AKR1C8: variants seen among roughly 807,000 people sequenced by gnomAD.
AKR1C8 encodes the protein aldo-keto reductase family 1 member C-like protein 1.
chr10:5,132,339 T>C, the AKR1C8 span, among the ~76,000 whole-genome samples: 6 of 152,252 alleles, frequency 3.9e-5, no homozygotes, highest in African/African-American at 1.4e-4. Context: ...AATTAAAAAA[T>C]GAGCGCATAA....
chr10:5,184,920 C>A, the AKR1C8 span: 3 of 440,968 alleles, frequency 6.8e-6, no homozygotes, highest in South Asian at 5.0e-5. Flanking sequence ...TTCCAAGCAT[C>A]CACTGTCTAC....
At chr10:5,128,208 G>A in the AKR1C8 span, among the ~76,000 whole-genome samples, 1 of 152,066 alleles carries the variant, frequency 6.6e-6, no homozygotes, top group South Asian at 2.1e-4. Context: ...GAGAAATACA[G>A]TCATTTTTAG....
chr10:5,118,897 A>G, the AKR1C8 span, among the ~76,000 whole-genome samples: 1 of 151,760 alleles, frequency 6.6e-6, no homozygotes, highest in East Asian at 1.9e-4. Context: ...GAAGAAAAAT[A>G]CTATCTCTAT....
At chr10:5,143,283 G>A in the AKR1C8 span, among the ~76,000 whole-genome samples, 2 of 152,124 alleles carry the variant, frequency 1.3e-5, no homozygotes, top group African/African-American at 4.8e-5. Context: ...GTGGACATCA[G>A]AACTCCAAGC....
At chr10:5,129,947 G>A in the AKR1C8 span, among the ~76,000 whole-genome samples, 2 of 151,544 alleles carry the variant, frequency 1.3e-5, no homozygotes, top group Non-Finnish European at 3.0e-5. Context: ...ATACCAAAAC[G>A]AGGAAAGGAC....
chr10:5,182,510 G>C, the AKR1C8 span, among the ~76,000 whole-genome samples: 1 of 152,118 alleles, frequency 6.6e-6, no homozygotes, highest in Admixed American at 6.5e-5. Context: ...AAATATTTGA[G>C]AGTACAAACC....
At chr10:5,142,394 T>C in the AKR1C8 span, among the ~76,000 whole-genome samples, 1 of 152,176 alleles carries the variant, frequency 6.6e-6, no homozygotes, top group African/African-American at 2.4e-5. Context: ...GAACTTTTCC[T>C]TTGTATTCAC....
chr10:5,150,205 C>T, the AKR1C8 span, among the ~76,000 whole-genome samples: 3 of 152,064 alleles, frequency 2.0e-5, no homozygotes, highest in East Asian at 5.8e-4. Context: ...ACCCGTTGGA[C>T]TCCTTTCTGC....
chr10:5,159,865 G>T, the AKR1C8 span: 4 of 504,758 alleles, frequency 7.9e-6, no homozygotes, highest in East Asian at 5.7e-5. Context: ...AGAAGGTCCC[G>T]GTGGGCTAAG....
the AKR1C8 span, chr10:5,161,953 C>T: frequency 1.1e-4 from 59 of 533,644 alleles, no homozygotes; most frequent in Admixed American, 3.3e-4. Context: ...CAATTCTGCC[C>T]GAAAGAAAGT....
chr10:5,116,805 GC>G, the AKR1C8 span, among the ~76,000 whole-genome samples: 6,631 of 152,218 alleles, frequency 0.044, 166 homozygotes, highest in Middle Eastern at 0.11. Context: ...CTTTTGGGTG[GC>G]CCCTGCGTAT....
chr10:5,138,498 C>T, the AKR1C8 span, among the ~76,000 whole-genome samples: 1 of 152,044 alleles, frequency 6.6e-6, no homozygotes, highest in African/African-American at 2.4e-5. Context: ...TCAAGGTGCA[C>T]TGATTTCATA....
the AKR1C8 span, chr10:5,132,501 A>T: frequency 5.2e-6 from 6 of 1,152,610 alleles, no homozygotes; most frequent in Non-Finnish European, 6.9e-6. Flanking sequence ...ATTGGAACCA[A>T]TAAGCACAAT....
the AKR1C8 span, among the ~76,000 whole-genome samples, chr10:5,164,804 A>T: frequency 6.6e-6 from 1 of 152,226 alleles, no homozygotes; most frequent in East Asian, 1.9e-4. Context: ...GCTACATCTC[A>T]GTGTTATCTG....
At chr10:5,142,964 A>G in the AKR1C8 span, among the ~76,000 whole-genome samples, 1 of 152,136 alleles carries the variant, frequency 6.6e-6, no homozygotes, top group South Asian at 2.1e-4. Flanking sequence ...AGTCATAACA[A>G]AATGAGGTGT....
At chr10:5,153,635 G>A in the AKR1C8 span, among the ~76,000 whole-genome samples, 8 of 152,108 alleles carry the variant, frequency 5.3e-5, no homozygotes, top group African/African-American at 1.4e-4. Flanking sequence ...GAGCAGACGC[G>A]TCTTCATGTG....
chr10:5,162,887 G>A, the AKR1C8 span: 1 of 534,508 alleles, frequency 1.9e-6, no homozygotes, highest in Non-Finnish European at 3.8e-6. Context: ...TCTCTTGACG[G>A]TACCATCAGC....
At chr10:5,177,347 T>A in the AKR1C8 span, among the ~76,000 whole-genome samples, 1 of 152,140 alleles carries the variant, frequency 6.6e-6, no homozygotes, top group Admixed American at 6.5e-5. Context: ...CATGGTGGGA[T>A]AAGCTTTTTG....
chr10:5,152,634 G>T, the AKR1C8 span, among the ~76,000 whole-genome samples: 1 of 152,164 alleles, frequency 6.6e-6, no homozygotes, highest in Non-Finnish European at 1.5e-5. Flanking sequence ...AGTTTCTGTG[G>T]CTAGCCTTGG....
Sources: gnomAD v4.1 joint callset for allele counts (sites outside exome capture counted in the v4.1 genomes callset) on GRCh38, gnomAD v4.1.1 for gene constraint, MANE v1.5 for transcripts, NCBI Gene and HGNC (gene_info 2026-07-23, HGNC 2026-07-21) for gene names.